Variants in GPM6B observed in about 807,000 individuals in gnomAD.
GPM6B encodes the protein glycoprotein M6B, also known as neuronal membrane glycoprotein M6-b.
In GPM6B, 4 loss-of-function variants were observed where a neutral mutation model predicts 27.2. The ratio of observed to expected loss-of-function variants is 0.15; its 90% CI spans 0.07 to 0.34. The LOEUF (loss-of-function observed/expected upper bound fraction) is 0.34, where lower values mean the gene tolerates loss of function less well. Ranked by LOEUF, GPM6B falls within the 10% of genes least tolerant of loss-of-function variation. GPM6B has a pLI of 1.00. For missense variants in GPM6B, 183 were observed against 261.9 expected, an observed-to-expected ratio of 0.70 and a Z score of 2.08; for synonymous variants, 124 against 103.1, an observed-to-expected ratio of 1.20 and a Z score of -1.23.
At chrX:13,858,236 G>C (rs1483696641) in intron 1 of GPM6B, among the ~76,000 whole-genome samples, 1 of 111,469 alleles carries the variant, frequency 9.0e-6, no homozygotes, top group Non-Finnish European at 1.9e-5. Flanking sequence ...TCTCCCTTAC[G>C]AGTATCTTTT....
intron 1 of GPM6B, among the ~76,000 whole-genome samples, chrX:13,872,626 C>T (rs1271769921): frequency 9.3e-6 from 1 of 107,837 alleles, no homozygotes; most frequent in Non-Finnish European, 1.9e-5. Flanking sequence ...AAGACAGTAG[C>T]ACACAGAGCG....
intron 1 of GPM6B, among the ~76,000 whole-genome samples, chrX:13,857,199 C>T (rs975844776): frequency 2.7e-5 from 3 of 111,361 alleles, no homozygotes; most frequent in African/African-American, 9.8e-5. Context: ...ATCACATCTG[C>T]AAAGTCTCTT....
rs759061986 is a variant in GPM6B at position 13,885,293 on chromosome X, G to C, written c.-198+53034C>G. Reference sequence around the variant, plus strand: ...CAAACTAACATATTAGATAACATAAGCACCAAATATTCCATTAATTATCTT... The same window carrying C: ...CAAACTAACATATTAGATAACATAACCACCAAATATTCCATTAATTATCTT... On this transcript the variant is annotated intron_variant, in intron 1 of 6. Coordinates refer to the GPM6B transcript ENST00000398361. Among the ~76,000 whole-genome samples the C allele has an allele frequency of 8.0e-5, 9 of 112,196 alleles. No individual in the cohort carries two copies. The South Asian group carries it at 1.9e-3, about 23-fold the overall frequency.
intron 1 of GPM6B, among the ~76,000 whole-genome samples, chrX:13,837,591 C>A (rs2049512438): frequency 9.1e-6 from 1 of 110,447 alleles, no homozygotes; most frequent in South Asian, 3.9e-4. Context: ...TATCATCATT[C>A]ATATCTCAGC....
chrX:13,806,091 C>T (rs921134693), intron 2 of GPM6B, among the ~76,000 whole-genome samples: 8 of 111,340 alleles, frequency 7.2e-5, no homozygotes, highest in African/African-American at 2.0e-4. Context: ...AAATGTACAG[C>T]GTTGTGTGAC....
intron 1 of GPM6B, among the ~76,000 whole-genome samples, chrX:13,903,012 A>G (rs2050295746): frequency 8.9e-6 from 1 of 112,362 alleles, no homozygotes; most frequent in Non-Finnish European, 1.9e-5. Context: ...TGGGTCCTAG[A>G]AATGACCACA....
intron 1 of GPM6B, among the ~76,000 whole-genome samples, chrX:13,867,802 G>C (rs1299988929): frequency 8.9e-6 from 1 of 111,916 alleles, no homozygotes; most frequent in East Asian, 2.8e-4. Context: ...TTCAAGATGG[G>C]GGTGAGGGAA....
At position 13,785,648 on chromosome X, in the gene GPM6B, G is replaced by T. The variant is rs373627321; in HGVS notation, c.342C>A (p.Ala114=). 1.7e-4 allele frequency: 201 copies of T among 1,209,869 alleles called. No individual in the cohort carries two copies. Among genetic ancestry groups the T allele is most frequent in the Non-Finnish European group, 2.2e-4 (195 of 895,020 alleles). Residue 114 remains alanine, a synonymous_variant, in exon 3 of 8, where the codon GCC becomes GCA. Transcript: ENST00000316715. ...CCTCGCTCAGCAAGGCATGGTCACT[G>T]GCGTTGGTGGAGAAGTGTTGCTCAA... ...AILEQHFSTN[A]SDHALLSEVI...
chrX:13,783,580 T>C, intron 3 of GPM6B, 59 bp from the exon 4 acceptor site: 1 of 964,654 alleles, frequency 1.0e-6, no homozygotes, highest in Non-Finnish European at 1.4e-6. Flanking sequence ...GTGACTACGT[T>C]TCTGGACGCT....
In GPM6B at chrX:13,831,033, C is replaced by A. The variant is rs2049432075; in HGVS notation, c.-197-45225G>T. 2.7e-5 allele frequency among the ~76,000 whole-genome samples: 3 copies of A among 110,801 alleles called. No homozygotes were observed. In the Admixed American group the frequency reaches 2.9e-4, roughly 11 times the overall value. The stretch of plus-strand genomic sequence containing the variant: ...TGTGATGATTCTATAGGAGTCTGTT[C>A]TTTTGCTGCTGTGGCAGGTCACTGG... On this transcript the variant is annotated intron_variant, in intron 1 of 6. Coordinates refer to the GPM6B transcript ENST00000398361.
chrX:13,930,251 T>C (rs1213205980), intron 1 of GPM6B, among the ~76,000 whole-genome samples: 2 of 112,251 alleles, frequency 1.8e-5, no homozygotes, highest in Non-Finnish European at 3.8e-5. Flanking sequence ...AGTATCAAGC[T>C]ATTAAAATAA....
intron 1 of GPM6B, among the ~76,000 whole-genome samples, chrX:13,898,610 T>C (rs993988782): frequency 5.3e-5 from 6 of 112,692 alleles, no homozygotes; most frequent in African/African-American, 1.9e-4. Flanking sequence ...ATTTAGTATC[T>C]TAGAAAGATG....
intron 4 of GPM6B, among the ~76,000 whole-genome samples, chrX:13,781,817 C>T (rs2048521436): frequency 8.9e-6 from 1 of 111,840 alleles, no homozygotes; most frequent in Non-Finnish European, 1.9e-5. Context: ...CCATGTTGTC[C>T]GGACCTCCTG....
chrX:13,801,809 C>G (rs933444847), intron 2 of GPM6B, among the ~76,000 whole-genome samples: 2 of 111,521 alleles, frequency 1.8e-5, no homozygotes, highest in African/African-American at 6.5e-5. Flanking sequence ...AGAGCTGGTC[C>G]TTGGGGGTGA....
rs1220307745 is a variant in GPM6B, at chrX:13,814,292, A to T, written c.61+2552T>A. Among the ~76,000 whole-genome samples, 5 of 112,510 alleles carry T rather than the reference A, an allele frequency of 4.4e-5. No homozygotes were observed. In the South Asian group the frequency reaches 1.8e-3, roughly 41 times the overall value. ...TTAGCCATTGGGCAATAATGCCCCA[A>T]ATTAAGAGACAGGCATCACTCCATC... On this transcript the variant is annotated intron_variant, in intron 1 of 7. Coordinates refer to ENST00000316715, the MANE Select transcript of GPM6B (RefSeq NM_001001995.3).
chrX:13,915,976 T>C lies in GPM6B; in HGVS notation c.-198+22351A>G, dbSNP rs1296644291. Among the ~76,000 whole-genome samples, 4 of 111,889 alleles carry C rather than the reference T, an allele frequency of 3.6e-5. No homozygotes were observed. The East Asian group carries it at 1.1e-3, about 31-fold the overall frequency. ...AGCTCATTCTCCTGCATTTGGAACATATCTAATAATTAAGTGCATCTGCCA... is the reference window on the plus strand; with the variant it reads ...AGCTCATTCTCCTGCATTTGGAACACATCTAATAATTAAGTGCATCTGCCA... On this transcript the variant is annotated intron_variant, in intron 1 of 6. Transcript: ENST00000398361.
rs1184440774 is a variant in GPM6B at position 13,905,598 on chromosome X, C to T, written c.-198+32729G>A. On this transcript the variant is annotated intron_variant, in intron 1 of 6. Transcript: ENST00000398361. ...TTTTCTAGTACAACATGAAGATGAC[C>T]GCCTCCAAGAAGGAGTTTTCTAGTC... Among the ~76,000 whole-genome samples, 3 of 111,600 alleles carry T rather than the reference C, an allele frequency of 2.7e-5. No individual in the cohort carries two copies. In the South Asian group the frequency reaches 1.1e-3, roughly 42 times the overall value.
chrX:13,877,215 T>C (rs2050042426), intron 1 of GPM6B, among the ~76,000 whole-genome samples: 1 of 111,723 alleles, frequency 9.0e-6, no homozygotes, highest in African/African-American at 3.3e-5. Flanking sequence ...CATCTAGCAG[T>C]TGAAGAGTGG....
At chrX:13,930,657 C>T (rs1055750363) in intron 1 of GPM6B, among the ~76,000 whole-genome samples, 1 of 110,951 alleles carries the variant, frequency 9.0e-6, no homozygotes, top group African/African-American at 3.3e-5. Context: ...ACTACAGATA[C>T]TATAGATAAC....
Sources: allele counts gnomAD v4.1 joint callset (sites outside exome capture counted in the v4.1 genomes callset), GRCh38; gene constraint gnomAD v4.1.1; transcripts MANE v1.5; gene names NCBI Gene and HGNC (gene_info 2026-07-23, HGNC 2026-07-21).